The following PLS1 variants were observed in gnomAD, a reference collection of about 807,000 sequenced individuals.
PLS1 encodes the protein plastin-1.
Under a neutral mutation model 73.7 loss-of-function variants are expected in PLS1, and 32 were observed. That is an observed-to-expected ratio of 0.43 (90% confidence interval 0.33 to 0.58). The LOEUF (loss-of-function observed/expected upper bound fraction) is 0.58, where lower values mean the gene tolerates loss of function less well. PLS1 is among the 20% of genes least tolerant of loss of function. The pLI, the probability that PLS1 is intolerant of heterozygous loss-of-function variation, is 0.04. For synonymous variants in PLS1, 217 were observed against 261.3 expected, an observed-to-expected ratio of 0.83 and a Z score of 1.63; for missense variants, 633 against 740.5, an observed-to-expected ratio of 0.85 and a Z score of 1.68.
rs189951023 is a variant in PLS1, at chr3:142,707,604, G to A, written c.1629+3018G>A. Among the ~76,000 whole-genome samples the A allele has an allele frequency of 2.0e-5, 3 of 152,334 alleles. No individual in the cohort carries two copies. The East Asian group carries it at 5.8e-4, about 29-fold the overall frequency. ...CACAAGGTGAAAGCCAAGCTTTGGA[G>A]TTGTATGGCCCTGGGTTGACTTTTG... On this transcript the variant is annotated intron_variant, in intron 14 of 15. Coordinates refer to ENST00000457734, the MANE Select transcript of PLS1 (RefSeq NM_001145319.2).
chr3:142,683,403 C>G (rs1421001780), intron 6 of PLS1, among the ~76,000 whole-genome samples: 5 of 152,194 alleles, frequency 3.3e-5, no homozygotes, highest in African/African-American at 1.2e-4. Context: ...ACTCAGGAGG[C>G]TGAGGCAGGA....
At chr3:142,674,220 T>C (rs751689582) in intron 4 of PLS1, among the ~76,000 whole-genome samples, 3 of 152,196 alleles carry the variant, frequency 2.0e-5, no homozygotes, top group Non-Finnish European at 4.4e-5. Flanking sequence ...CAATGGCAGA[T>C]ACAGTATTTT....
chr3:142,623,774 T>C (rs1250473555), intron 1 of PLS1, among the ~76,000 whole-genome samples: 1 of 152,204 alleles, frequency 6.6e-6, no homozygotes, highest in Non-Finnish European at 1.5e-5. Context: ...TCTTCATTTT[T>C]CTGTTTGAAA....
chr3:142,709,399 CT>C lies in PLS1; in HGVS notation c.1630-2101del, dbSNP rs963464618. On this transcript the variant is annotated intron_variant, in intron 14 of 15. Coordinates refer to ENST00000457734, the MANE Select transcript of PLS1 (RefSeq NM_001145319.2). The stretch of plus-strand genomic sequence containing the variant: ...TATTTTTACCCTCTCTCTCTTACCC[CT>C]GCCCAGAGATCTGTATCATAAAATG... Among the ~76,000 whole-genome samples, 6 of 152,322 alleles carry C rather than the reference CT, an allele frequency of 3.9e-5. No homozygotes were observed. In the East Asian group the frequency reaches 1.2e-3, roughly 29 times the overall value.
At chr3:142,709,053 T>G (rs185833452) in intron 14 of PLS1, among the ~76,000 whole-genome samples, 1 of 152,346 alleles carries the variant, frequency 6.6e-6, no homozygotes, top group Admixed American at 6.5e-5. Flanking sequence ...AATAAGTCAC[T>G]TGTATTTTAA....
intron 1 of PLS1, among the ~76,000 whole-genome samples, chr3:142,653,548 G>A (rs1282861007): frequency 6.6e-6 from 1 of 151,680 alleles, no homozygotes; most frequent in Non-Finnish European, 1.5e-5. Flanking sequence ...TTTTTTAGTA[G>A]AGATGGGGTT....
intron 1 of PLS1, among the ~76,000 whole-genome samples, chr3:142,596,789 TATTTC>T (rs1412502505): frequency 6.6e-6 from 1 of 152,208 alleles, no homozygotes; most frequent in Admixed American, 6.5e-5. Context: ...TGAAATAAGG[TATTTC>T]ATTAAGTTTT....
chr3:142,659,306 T>C (rs992816330), intron 1 of PLS1, among the ~76,000 whole-genome samples: 3 of 152,130 alleles, frequency 2.0e-5, no homozygotes, highest in African/African-American at 7.2e-5. Flanking sequence ...GAAAATAGAA[T>C]AGCTGGGAAA....
rs951386420 is a variant in PLS1, at chr3:142,678,121, T to C, written c.579+8T>C. 3.6e-6 allele frequency: 5 copies of C among 1,391,204 alleles called. No homozygotes were observed. In the Admixed American group the frequency reaches 1.1e-4, roughly 30 times the overall value. The allele number at this position is 1,391,204 out of a possible 1,614,324, so 86.2% of individuals were successfully genotyped here. ...ACGCCATTCACTATTTCTGTAAGTATTTGCCCTTTGCTTATTATCATGTTA... is the reference window on the plus strand; with the variant it reads ...ACGCCATTCACTATTTCTGTAAGTACTTGCCCTTTGCTTATTATCATGTTA... On this transcript the variant is annotated splice_region_variant and intron_variant, in intron 6 of 15. Coordinates refer to ENST00000457734, the MANE Select transcript of PLS1 (RefSeq NM_001145319.2).
At chr3:142,634,738 A>C (rs903554435) in intron 1 of PLS1, among the ~76,000 whole-genome samples, 3 of 152,216 alleles carry the variant, frequency 2.0e-5, no homozygotes, top group Non-Finnish European at 4.4e-5. Flanking sequence ...TGTTAAACGA[A>C]GTCCTCAAGG....
At chr3:142,673,886 G>A (rs916245207) in intron 4 of PLS1, 1 of 152,164 alleles carries the variant, frequency 6.6e-6, no homozygotes, top group Admixed American at 6.5e-5. Flanking sequence ...ATGTATGAGG[G>A]CTCCAGTTTC....
At chr3:142,643,017 T>C (rs944034210) in intron 1 of PLS1, among the ~76,000 whole-genome samples, 2 of 152,220 alleles carry the variant, frequency 1.3e-5, no homozygotes, top group Non-Finnish European at 2.9e-5. Flanking sequence ...TCTTTTGTTA[T>C]TTGCTGTCTT....
chr3:142,686,490 T>C lies in PLS1; in HGVS notation c.981+114T>C, dbSNP rs2037969373. 7.1e-6 allele frequency: 5 copies of C among 699,588 alleles called. No individual in the cohort carries two copies. The Admixed American group carries it at 1.0e-4, about 14-fold the overall frequency. The allele number at this position is 699,588 out of a possible 1,614,324, so 43.3% of individuals were successfully genotyped here. A position where few individuals can be genotyped will look rare whatever the true frequency, so the allele number is the denominator to read the frequency against. On this transcript the variant is annotated intron_variant, in intron 9 of 15. Transcript: ENST00000457734. ...GTGGCATTCAGTACATTTGCATTGT[T>C]GTGCAGCTATCACCATTATCCATCT...
At chr3:142,659,251 G>A (rs2037310789) in intron 1 of PLS1, among the ~76,000 whole-genome samples, 1 of 152,326 alleles carries the variant, frequency 6.6e-6, no homozygotes, top group South Asian at 2.1e-4. Flanking sequence ...AGCTTGAGAA[G>A]TCAGAATTTC....
Position 142,684,334 on chromosome 3 carries a change from T to C in PLS1, c.827T>C (p.Val276Ala), listed in dbSNP as rs1168398825. The C allele has an allele frequency of 1.2e-6, 2 of 1,613,112 alleles. No individual in the cohort carries two copies. The highest frequency in any genetic ancestry group is 4.5e-5 in the East Asian group (2 of 44,868). ...LSPEELLLRW[V>A]NYHLTNAGWH... ...CCCGAGGAATTACTGCTGCGATGGG[T>C]GAACTACCATCTGACCAATGCAGGA... The change falls in exon 8 of 16, where the codon GTG becomes GCG. Residue 276 changes from valine (V) to alanine (A), a missense_variant. By Grantham distance (64) the Val-to-Ala change is moderately conservative (BLOSUM62 0). Coordinates refer to ENST00000457734, the MANE Select transcript of PLS1 (RefSeq NM_001145319.2).
intron 3 of PLS1, among the ~76,000 whole-genome samples, chr3:142,670,414 C>G (rs1485588860): frequency 1.3e-5 from 2 of 151,978 alleles, no homozygotes; most frequent in African/African-American, 4.8e-5. Flanking sequence ...TGTTTTTATC[C>G]TAAAAGCAAT....
chr3:142,658,667 A>C (rs754795423), intron 1 of PLS1, among the ~76,000 whole-genome samples: 8 of 152,210 alleles, frequency 5.3e-5, no homozygotes, highest in Non-Finnish European at 1.0e-4. Context: ...TATAATAAAT[A>C]GTATATTGTA....
At chr3:142,608,112 T>A (rs939388579) in intron 1 of PLS1, among the ~76,000 whole-genome samples, 15 of 152,182 alleles carry the variant, frequency 9.9e-5, no homozygotes, top group African/African-American at 3.6e-4. Context: ...CCCAAACTGC[T>A]GGGATTATTA....
chr3:142,701,006 A>T (rs1361764776), intron 12 of PLS1, among the ~76,000 whole-genome samples: 1 of 152,202 alleles, frequency 6.6e-6, no homozygotes. Context: ...CTTCCCAGCC[A>T]TGTGGAACTA....
Sources: gnomAD v4.1 joint callset for allele counts (sites outside exome capture counted in the v4.1 genomes callset) on GRCh38, gnomAD v4.1.1 for gene constraint, MANE v1.5 for transcripts, NCBI Gene and HGNC (gene_info 2026-07-23, HGNC 2026-07-21) for gene names.